The following FAM186A variants were observed in gnomAD, a reference collection of about 807,000 sequenced individuals.
FAM186A encodes the protein family with sequence similarity 186 member A.
A neutral mutation model predicts 216.8 loss-of-function variants in FAM186A; 163 were observed. The ratio of observed to expected loss-of-function variants is 0.75; its 90% CI spans 0.66 to 0.86. The LOEUF (loss-of-function observed/expected upper bound fraction) is 0.86, where lower values mean the gene tolerates loss of function less well. Ranked by LOEUF, FAM186A falls within the 40% of genes least tolerant of loss-of-function variation. The probability of loss-of-function intolerance (pLI) is 0.00; values close to 1 mark genes in which losing one functional copy is unlikely to be tolerated. For synonymous variants in FAM186A, 805 were observed against 1,025.3 expected (o/e 0.79, Z 4.10); for missense variants, 2,184 against 2,746.2 (o/e 0.80, Z 4.58).
chr12:50,329,599 C>G (rs1441553870), intron 7 of FAM186A, among the ~76,000 whole-genome samples: 3 of 140,236 alleles, frequency 2.1e-5, no homozygotes, highest in Middle Eastern at 3.8e-3. Flanking sequence ...ATTAACACTA[C>G]TTTTTTTTTT....
intron 3 of FAM186A, among the ~76,000 whole-genome samples, chr12:50,358,642 C>T (rs926657388): frequency 2.0e-5 from 3 of 151,750 alleles, no homozygotes; most frequent in Non-Finnish European, 2.9e-5. Flanking sequence ...TGTTAAAACT[C>T]GGCCAGGCGC....
In FAM186A at chr12:50,355,042, G is replaced by T. The variant is rs1438543666; in HGVS notation, c.1790C>A (p.Thr597Asn). The change falls in exon 4 of 8, where the codon ACT (threonine) becomes AAT (asparagine). Residue 597 changes from threonine to asparagine, a missense_variant. Physicochemically the swap from Thr to Asn is moderately conservative, Grantham distance 65. Transcript: ENST00000327337. Reference protein sequence around the residue: ...EPLSMIQFDDTAEPQKGKIKG... With the variant: ...EPLSMIQFDDNAEPQKGKIKG... ...TATTTTTCCTTTCTGTGGCTCAGCA[G>T]TATCATCAAATTGGATCATACTGAG... 1 of 1,551,662 alleles carries T rather than the reference G, an allele frequency of 6.4e-7. No homozygotes were observed. The highest frequency in any genetic ancestry group is 8.7e-7 in the Non-Finnish European group (1 of 1,146,992).
intron 5 of FAM186A, 40 bp from the exon 6 acceptor site, chr12:50,331,861 A>G: frequency 6.7e-7 from 1 of 1,481,846 alleles, no homozygotes; most frequent in Non-Finnish European, 9.0e-7. Context: ...AACCATGAAA[A>G]GAGACAGAAT....
At chr12:50,347,601 C>T (rs1300941369) in intron 4 of FAM186A, among the ~76,000 whole-genome samples, 1 of 151,192 alleles carries the variant, frequency 6.6e-6, no homozygotes, top group Non-Finnish European at 1.5e-5. Flanking sequence ...CATGGTGGCA[C>T]ACACCTCCAG....
intron 4 of FAM186A, among the ~76,000 whole-genome samples, chr12:50,339,271 C>T (rs1942740056): frequency 6.6e-6 from 1 of 152,186 alleles, no homozygotes; most frequent in Non-Finnish European, 1.5e-5. Context: ...TCCATTTTGG[C>T]CTCTCAAAGT....
At chr12:50,392,519 T>TA (rs923880554) in intron 1 of FAM186A, 5 of 152,194 alleles carry the variant, frequency 3.3e-5, no homozygotes, top group African/African-American at 4.8e-5. Flanking sequence ...GACCTTGTAA[T>TA]ACGCCCGCCT....
intron 1 of FAM186A, among the ~76,000 whole-genome samples, chr12:50,377,531 C>T (rs1943209256): frequency 6.6e-6 from 1 of 152,060 alleles, no homozygotes; most frequent in Admixed American, 6.6e-5. Flanking sequence ...GAAGGCACAA[C>T]CAATGAAAGT....
At chr12:50,340,656 T>C (rs1942753761) in intron 4 of FAM186A, among the ~76,000 whole-genome samples, 1 of 151,094 alleles carries the variant, frequency 6.6e-6, no homozygotes, top group East Asian at 1.9e-4. Flanking sequence ...GCCTGGTTGA[T>C]AGAGCAAGAC....
chr12:50,355,884 A>C lies in FAM186A; in HGVS notation c.948T>G (p.Leu316=). 9.7e-6 allele frequency: 15 copies of C among 1,551,290 alleles called. No individual in the cohort carries two copies. The highest frequency in any genetic ancestry group is 1.3e-5 in the Non-Finnish European group (15 of 1,146,938). Residue 316 remains leucine (L), a synonymous_variant, in exon 4 of 8, where the codon CTT becomes CTG. Coordinates refer to ENST00000327337, the MANE Select transcript of FAM186A (RefSeq NM_001145475.3). The part of the protein sequence containing the change: ...IRDLSNENEM[L]QQKLQDAEEK... ...CTTCTGCATCTTGAAGTTTCTGCTGAAGCATTTCATTTTCGTTACTGAGAT... is the reference window on the plus strand; with the variant it reads ...CTTCTGCATCTTGAAGTTTCTGCTGCAGCATTTCATTTTCGTTACTGAGAT...
intron 1 of FAM186A, among the ~76,000 whole-genome samples, chr12:50,373,060 A>AAAGAAAGG (rs1943163579): frequency 4.1e-5 from 6 of 147,116 alleles, no homozygotes; most frequent in African/African-American, 1.5e-4. Context: ...AGAAAGAAAG[A>AAAGAAAGG]AAGAAAGAAA....
At chr12:50,365,956 G>A in intron 1 of FAM186A, 1 of 766,320 alleles carries the variant, frequency 1.3e-6, no homozygotes. Flanking sequence ...CCTCGCCCCA[G>A]CAAGGTGGGT....
intron 2 of FAM186A, among the ~76,000 whole-genome samples, chr12:50,361,960 TTTG>T (rs1403525641): frequency 1.3e-5 from 2 of 151,888 alleles, no homozygotes; most frequent in East Asian, 1.9e-4. Context: ...ATTCATTCTT[TTTG>T]TTGTTGTTGT....
intron 3 of FAM186A, 101 bp from the exon 4 acceptor site, chr12:50,356,349 C>G (rs1025828326): frequency 2.5e-5 from 21 of 855,942 alleles, no homozygotes; most frequent in Non-Finnish European, 3.5e-5. Flanking sequence ...TTAACTATAA[C>G]TAATTAAATA....
In FAM186A at chr12:50,396,608, C is replaced by T. The variant is rs748885840; in HGVS notation, c.-124G>A. The T allele has an allele frequency of 3.3e-6, 3 of 910,066 alleles. No homozygotes were observed. In the East Asian group the frequency reaches 7.9e-5, roughly 24 times the overall value. 56.4% of individuals were successfully genotyped at this position (910,066 alleles called of 1,614,324 possible). ...CTGATCCTAGAAGTTGTGGCATACT[C>T]TGCTACTAATTGGTGGCTCCCATGA... On this transcript the variant is annotated 5_prime_UTR_variant, in exon 1 of 8. Transcript: ENST00000327337.
At chr12:50,373,430 T>C (rs1943168780) in intron 1 of FAM186A, among the ~76,000 whole-genome samples, 1 of 152,046 alleles carries the variant, frequency 6.6e-6, no homozygotes, top group African/African-American at 2.4e-5. Flanking sequence ...ATAATACTAA[T>C]AGCTCACAAA....
chr12:50,358,761 A>G (rs1186664090), intron 3 of FAM186A, among the ~76,000 whole-genome samples: 4 of 151,478 alleles, frequency 2.6e-5, no homozygotes, highest in Non-Finnish European at 5.9e-5. Context: ...CATCTCTACT[A>G]AAAATACAAA....
At position 50,353,742 on chromosome 12, in the gene FAM186A, C is replaced by G. The variant is rs975523637; in HGVS notation, c.3090G>C (p.Gln1030His). The change falls in exon 4 of 8, where the codon CAG becomes CAC. Residue 1030 changes from glutamine to histidine, a missense_variant. Gln to His is a conservative substitution (Grantham distance 24). This residue lies in a region of FAM186A where 1,132 missense variants were observed against 1,263.4 expected (regional missense o/e 0.90). Transcript: ENST00000327337. ...GGTTCTCTAATGTCTTCAGATTCCT[C>G]TGAAACTCTTTTCCTTCATATGACC... ...VQRSYEGKEF[Q>H]RNLKTLENLP... The G allele has an allele frequency of 6.5e-6, 10 of 1,550,172 alleles. No homozygotes were observed. Among genetic ancestry groups the G allele is most frequent in the African/African-American group, 1.4e-5 (1 of 72,836 alleles).
At position 50,355,043 on chromosome 12, in the gene FAM186A, T is replaced by C; in HGVS notation, c.1789A>G (p.Thr597Ala). Residue 597 changes from threonine (T) to alanine (A), a missense_variant, in exon 4 of 8, where the codon ACT (threonine) becomes GCT (alanine). This residue lies in a region of FAM186A where 1,132 missense variants were observed against 1,263.4 expected (regional missense o/e 0.90). Transcript: ENST00000327337. Reference sequence around the variant, plus strand: ...ATTTTTCCTTTCTGTGGCTCAGCAGTATCATCAAATTGGATCATACTGAGT... The same window carrying C: ...ATTTTTCCTTTCTGTGGCTCAGCAGCATCATCAAATTGGATCATACTGAGT... ...EPLSMIQFDD[T>A]AEPQKGKIKG... The C allele has an allele frequency of 6.4e-7, 1 of 1,551,730 alleles. No homozygotes were observed. The highest frequency in any genetic ancestry group is 8.7e-7 in the Non-Finnish European group (1 of 1,146,994).
At chr12:50,382,785 A>G (rs1943265147) in intron 1 of FAM186A, among the ~76,000 whole-genome samples, 1 of 152,176 alleles carries the variant, frequency 6.6e-6, no homozygotes, top group African/African-American at 2.4e-5. Context: ...TAATTTTTAC[A>G]GAATTTACTT....
Sources: allele counts gnomAD v4.1 joint callset (sites outside exome capture counted in the v4.1 genomes callset), GRCh38; gene constraint gnomAD v4.1.1; regional missense constraint gnomAD v4.1.1; transcripts MANE v1.5; gene names NCBI Gene and HGNC (gene_info 2026-07-23, HGNC 2026-07-21).